Variants in ZCCHC7 observed in about 807,000 individuals in gnomAD.
ZCCHC7 encodes zinc finger CCHC-type containing 7.
Under a neutral mutation model 52.0 loss-of-function variants are expected in ZCCHC7, and 35 were observed. The observed-to-expected ratio is 0.67, with a 90% confidence interval of 0.51 to 0.89. The LOEUF is 0.89. Among genes scored for constraint, ZCCHC7 ranks in the 40% least tolerant of loss-of-function variants. The pLI, the probability that ZCCHC7 is intolerant of heterozygous loss-of-function variation, is 0.00. For missense variants in ZCCHC7, 574 were observed against 649.1 expected (o/e 0.88, Z 1.26); for synonymous variants, 217 against 221.5 (o/e 0.98, Z 0.18).
At chr9:37,336,918 A>T (rs1320019835) in intron 6 of ZCCHC7, among the ~76,000 whole-genome samples, 1 of 152,208 alleles carries the variant, frequency 6.6e-6, no homozygotes, top group South Asian at 2.1e-4. Flanking sequence ...CCATTTGTCC[A>T]TCATTGTTTG....
chr9:37,192,853 T>C (rs1823089145), intron 2 of ZCCHC7, among the ~76,000 whole-genome samples: 1 of 152,190 alleles, frequency 6.6e-6, no homozygotes, highest in Non-Finnish European at 1.5e-5. Context: ...GTAAACTTCA[T>C]ACATTGGGAT....
At chr9:37,303,655 CT>C (rs74182940) in intron 3 of ZCCHC7, among the ~76,000 whole-genome samples, 612 of 56,756 alleles carry the variant, frequency 0.011, no homozygotes, top group Non-Finnish European at 0.014. Context: ...TTTTCTACCT[CT>C]TTTTTTTTTT....
chr9:37,173,933 T>G (rs1588426896), intron 2 of ZCCHC7, among the ~76,000 whole-genome samples: 1 of 152,220 alleles, frequency 6.6e-6, no homozygotes, highest in Non-Finnish European at 1.5e-5. Context: ...ACTCACTGTA[T>G]TTCTTGTGAA....
chr9:37,332,075 A>T (rs1481363307), intron 6 of ZCCHC7, among the ~76,000 whole-genome samples: 1 of 151,612 alleles, frequency 6.6e-6, no homozygotes, highest in Non-Finnish European at 1.5e-5. Context: ...TCTTGTATAA[A>T]TTATAGTTTT....
intron 2 of ZCCHC7, among the ~76,000 whole-genome samples, chr9:37,135,900 A>G (rs1842977833): frequency 2.6e-5 from 4 of 152,228 alleles, no homozygotes; most frequent in Admixed American, 2.6e-4. Context: ...TCTAGAGGCC[A>G]TTGTTGAATT....
At chr9:37,314,749 T>TAA (rs34853130) in intron 5 of ZCCHC7, among the ~76,000 whole-genome samples, 3 of 120,824 alleles carry the variant, frequency 2.5e-5, no homozygotes, top group Admixed American at 8.0e-5. Context: ...CGATCTCTTT[T>TAA]AAAAAAAAAA....
At chr9:37,150,720 ATAAC>A (rs1176182851) in intron 2 of ZCCHC7, among the ~76,000 whole-genome samples, 4 of 152,356 alleles carry the variant, frequency 2.6e-5, no homozygotes, top group African/African-American at 7.2e-5. Context: ...TTTTTTAACA[ATAAC>A]AAACACTATA....
chr9:37,260,501 G>A (rs1386826983), intron 2 of ZCCHC7, among the ~76,000 whole-genome samples: 3 of 152,184 alleles, frequency 2.0e-5, no homozygotes, highest in East Asian at 1.9e-4. Context: ...ACAAAGGACC[G>A]TTCAACTAAA....
intron 2 of ZCCHC7, among the ~76,000 whole-genome samples, chr9:37,229,854 C>T (rs1404111528): frequency 6.6e-6 from 1 of 152,186 alleles, no homozygotes; most frequent in Non-Finnish European, 1.5e-5. Flanking sequence ...ATAAAATACA[C>T]TTTGTGTAGC....
chr9:37,277,320 A>G (rs1339448331), intron 2 of ZCCHC7, among the ~76,000 whole-genome samples: 1 of 152,184 alleles, frequency 6.6e-6, no homozygotes, highest in Non-Finnish European at 1.5e-5. Context: ...ATACACACAC[A>G]TAATTGAAAG....
At chr9:37,220,531 G>A (rs1824754360) in intron 2 of ZCCHC7, among the ~76,000 whole-genome samples, 1 of 152,104 alleles carries the variant, frequency 6.6e-6, no homozygotes, top group South Asian at 2.1e-4. Context: ...GACAGAATAA[G>A]ACTCCGTCTC....
intron 2 of ZCCHC7, among the ~76,000 whole-genome samples, chr9:37,206,843 C>T (rs1351220654): frequency 6.6e-6 from 1 of 152,116 alleles, no homozygotes; most frequent in Non-Finnish European, 1.5e-5. Context: ...TCCTTTCTCT[C>T]CAGGATCACT....
intron 5 of ZCCHC7, among the ~76,000 whole-genome samples, chr9:37,324,887 T>C (rs2118090183): frequency 6.6e-6 from 1 of 152,324 alleles, no homozygotes; most frequent in East Asian, 1.9e-4. Context: ...TATTGAGCAC[T>C]TGAGTCTTGG....
intron 6 of ZCCHC7, among the ~76,000 whole-genome samples, chr9:37,348,203 A>G (rs752832286): frequency 5.9e-5 from 9 of 152,074 alleles, no homozygotes; most frequent in Non-Finnish European, 1.3e-4. Flanking sequence ...GTCTTCATCA[A>G]CTTTGCCTCT....
At chr9:37,121,560 A>G (rs546490115) in intron 1 of ZCCHC7, 48 of 152,296 alleles carry the variant, frequency 3.2e-4, no homozygotes, top group African/African-American at 1.2e-3. Flanking sequence ...AGACTTTTAA[A>G]TGGATTGTGT....
At chr9:37,205,767 T>C (rs1823873308) in intron 2 of ZCCHC7, among the ~76,000 whole-genome samples, 1 of 152,194 alleles carries the variant, frequency 6.6e-6, no homozygotes, top group Admixed American at 6.5e-5. Flanking sequence ...CCACCTGCCT[T>C]GGCTTCCCAA....
chr9:37,346,772 T>C (rs1279991144), intron 6 of ZCCHC7, among the ~76,000 whole-genome samples: 1 of 152,162 alleles, frequency 6.6e-6, no homozygotes, highest in African/African-American at 2.4e-5. Flanking sequence ...CCCCAGGAGT[T>C]CCAGACCAGT....
chr9:37,276,424 CTTA>C, intron 2 of ZCCHC7, among the ~76,000 whole-genome samples: 1 of 152,184 alleles, frequency 6.6e-6, no homozygotes, highest in Middle Eastern at 3.2e-3. Context: ...TCAATCATTA[CTTA>C]CCTACTATGT....
chr9:37,288,205 A>G (rs1828348837), intron 2 of ZCCHC7, among the ~76,000 whole-genome samples: 1 of 151,888 alleles, frequency 6.6e-6, no homozygotes, highest in South Asian at 2.1e-4. Context: ...GCTTGAGCCC[A>G]GGAGGTTGAG....
Sources: allele counts gnomAD v4.1 joint callset (sites outside exome capture counted in the v4.1 genomes callset), GRCh38; gene constraint gnomAD v4.1.1; transcripts MANE v1.5; gene names NCBI Gene and HGNC (gene_info 2026-07-23, HGNC 2026-07-21).